The following TENT5D variants were observed in gnomAD, a reference collection of about 807,000 sequenced individuals.
The protein encoded by TENT5D is terminal nucleotidyltransferase 5D.
For synonymous variants in TENT5D, 103 were observed against 100.6 expected (o/e 1.02, Z -0.15); for missense variants, 191 against 287.0 (o/e 0.67, Z 2.42).
intron 3 of TENT5D, among the ~76,000 whole-genome samples, chrX:80,393,991 T>G (rs1931188789): frequency 8.9e-6 from 1 of 112,180 alleles, no homozygotes; most frequent in African/African-American, 3.2e-5. Context: ...ACATCTTGGT[T>G]ATTGTGAATA....
At chrX:80,398,376 C>T (rs1419831996) in intron 3 of TENT5D, among the ~76,000 whole-genome samples, 1 of 111,824 alleles carries the variant, frequency 8.9e-6, no homozygotes. Context: ...TTATATATAA[C>T]ATTTCCTTTG....
At chrX:80,352,188 T>C (rs1930191046) in intron 3 of TENT5D, among the ~76,000 whole-genome samples, 1 of 112,027 alleles carries the variant, frequency 8.9e-6, no homozygotes. Flanking sequence ...AATGGTAGAA[T>C]CCTCCTTTTC....
At chrX:80,416,100 C>CT (rs369668058), upstream of TENT5D, among the ~76,000 whole-genome samples, 1,876 of 102,704 alleles carry the variant, frequency 0.018, 17 homozygotes, top group East Asian at 0.025. Context: ...AGGTTTTTTT[C>CT]TTTTTTTTTT....
chrX:80,344,864 A>T (rs897367369), intron 3 of TENT5D, among the ~76,000 whole-genome samples: 6 of 111,490 alleles, frequency 5.4e-5, no homozygotes, highest in African/African-American at 2.0e-4. Flanking sequence ...ATTAATTTAG[A>T]TACTTTGAAG....
chrX:80,405,493 G>T (rs1041462898), intron 3 of TENT5D, among the ~76,000 whole-genome samples: 17 of 112,523 alleles, frequency 1.5e-4, no homozygotes, highest in African/African-American at 5.2e-4. Flanking sequence ...AAGCGGTGAC[G>T]GACGCACCTG....
intron 3 of TENT5D, among the ~76,000 whole-genome samples, chrX:80,361,748 T>C (rs949258010): frequency 1.8e-5 from 2 of 112,305 alleles, no homozygotes; most frequent in African/African-American, 6.5e-5. Context: ...TGCCACCTAA[T>C]ATAGACACAG....
chrX:80,373,966 T>C (rs1241848413), intron 3 of TENT5D, among the ~76,000 whole-genome samples: 1 of 111,277 alleles, frequency 9.0e-6, no homozygotes, highest in Non-Finnish European at 1.9e-5. Flanking sequence ...ATTAGTTATT[T>C]TCCTGTAGCT....
intron 2 of TENT5D, chrX:80,335,842 TA>T (rs1159895260): frequency 1.8e-5 from 2 of 111,463 alleles, no homozygotes; most frequent in African/African-American, 6.5e-5. Context: ...TCGTGATCCT[TA>T]AAGTTGTAGG....
intron 1 of TENT5D, among the ~76,000 whole-genome samples, chrX:80,428,711 T>C (rs1344621090): frequency 8.9e-6 from 1 of 112,060 alleles, no homozygotes; most frequent in Non-Finnish European, 1.9e-5. Flanking sequence ...GTCTGCAAAA[T>C]TCATTAATGC....
At chrX:80,377,994 G>A (rs1394677491) in intron 3 of TENT5D, among the ~76,000 whole-genome samples, 1 of 112,085 alleles carries the variant, frequency 8.9e-6, no homozygotes, top group Non-Finnish European at 1.9e-5. Context: ...CAGTGATGAT[G>A]AGCATTTTTT....
At chrX:80,431,400 T>C (rs183090084) in intron 1 of TENT5D, among the ~76,000 whole-genome samples, 1 of 111,666 alleles carries the variant, frequency 9.0e-6, no homozygotes, top group African/African-American at 3.2e-5. Context: ...AGGTCTGAAA[T>C]GTTAGGTAAA....
upstream of TENT5D, among the ~76,000 whole-genome samples, chrX:80,416,635 G>A (rs778208868): frequency 4.5e-5 from 5 of 110,442 alleles, no homozygotes; most frequent in South Asian, 1.2e-3. Context: ...TGTTTGGGGT[G>A]GGGGGTGCTG....
At chrX:80,420,034 AT>A (rs1185332383), upstream of TENT5D, among the ~76,000 whole-genome samples, 1 of 111,771 alleles carries the variant, frequency 8.9e-6, no homozygotes, top group African/African-American at 3.2e-5. Context: ...TTGTTTAAGA[AT>A]TTTTTTTAAA....
intron 1 of TENT5D, among the ~76,000 whole-genome samples, chrX:80,432,609 T>G (rs2147566330): frequency 8.9e-6 from 1 of 111,935 alleles, no homozygotes; most frequent in African/African-American, 3.2e-5. Context: ...TGAATTCCTT[T>G]CTTCCCAGCC....
Position 80,387,457 on chromosome X carries a change from G to C in TENT5D, c.-142+44893G>C, listed in dbSNP as rs759397581. Among the ~76,000 whole-genome samples the C allele has an allele frequency of 2.7e-5, 3 of 112,263 alleles. No individual in the cohort carries two copies. In the South Asian group the frequency reaches 1.1e-3, roughly 42 times the overall value. On this transcript the variant is annotated intron_variant, in intron 3 of 4. Coordinates refer to the TENT5D transcript ENST00000538312. Reference sequence around the variant, plus strand: ...TTACTGAAGCCTTATCTGTGCTAGAGAACACCCCAAGCCCAGTAACACTGT... The same window carrying C: ...TTACTGAAGCCTTATCTGTGCTAGACAACACCCCAAGCCCAGTAACACTGT...
intron 2 of TENT5D, 59 bp from the exon 3 acceptor site, chrX:80,442,462 CT>C: frequency 1.0e-5 from 9 of 866,429 alleles, no homozygotes; most frequent in Non-Finnish European, 1.3e-5. Flanking sequence ...TTTTCATATG[CT>C]TTAGCATTGG....
chrX:80,396,152 A>G (rs1931235129), intron 3 of TENT5D, among the ~76,000 whole-genome samples: 1 of 111,338 alleles, frequency 9.0e-6, no homozygotes, highest in Admixed American at 9.6e-5. Flanking sequence ...CACTGGGAAC[A>G]TGGGGGTGCA....
At chrX:80,429,880 T>C (rs1932053442) in intron 1 of TENT5D, among the ~76,000 whole-genome samples, 1 of 111,874 alleles carries the variant, frequency 8.9e-6, no homozygotes, top group Non-Finnish European at 1.9e-5. Flanking sequence ...TCACTAAAGC[T>C]TCTCTCAGCC....
chrX:80,343,690 G>A (rs1158549028), intron 3 of TENT5D, among the ~76,000 whole-genome samples: 1 of 111,264 alleles, frequency 9.0e-6, no homozygotes, highest in East Asian at 2.8e-4. Flanking sequence ...ATGAGCCACC[G>A]CGCCTGGCCC....
Sources: gnomAD v4.1 joint callset for allele counts (sites outside exome capture counted in the v4.1 genomes callset) on GRCh38, gnomAD v4.1.1 for gene constraint, MANE v1.5 for transcripts, NCBI Gene and HGNC (gene_info 2026-07-23, HGNC 2026-07-21) for gene names.